Variants in FSIP2 observed in about 807,000 individuals in gnomAD.
FSIP2 encodes fibrous sheath-interacting protein 2.
FSIP2 carries 367 observed loss-of-function variants against 510.5 expected under a neutral mutation model. The ratio of observed to expected loss-of-function variants is 0.72; its 90% confidence interval spans 0.66 to 0.78. The LOEUF is 0.78. Among genes scored for constraint, FSIP2 ranks in the 30% least tolerant of loss-of-function variants. The probability of loss-of-function intolerance (pLI) is 0.00; values close to 1 mark genes in which losing one functional copy is unlikely to be tolerated. For missense variants in FSIP2, 7,594 were observed against 7,901.7 expected (o/e 0.96, Z 1.48); for synonymous variants, 2,601 against 2,732.2 (o/e 0.95, Z 1.50).
chr2:185,815,251 TTAAC>T, intron 18 of FSIP2, 116 bp from the exon 19 acceptor site: 1 of 603,258 alleles, frequency 1.7e-6, no homozygotes, highest in South Asian at 2.0e-5. Context: ...CACCCATCTT[TTAAC>T]TAATCTCTGG....
chr2:185,797,539 G>A lies in FSIP2; in HGVS notation c.10390+13G>A. On this transcript the variant is annotated intron_variant, in intron 16 of 22. Transcript: ENST00000424728. Reference sequence around the variant, plus strand: ...TTTGAAACTACAGGTAAGCAAGAGAGAACGTACCTAAAAATTTGCATGATT... The same window carrying A: ...TTTGAAACTACAGGTAAGCAAGAGAAAACGTACCTAAAAATTTGCATGATT... 6.8e-7 allele frequency: 1 copy of A among 1,480,274 alleles called. No individual in the cohort carries two copies. The highest frequency in any genetic ancestry group is 2.5e-5 in the East Asian group (1 of 40,286). 91.7% of individuals were successfully genotyped at this position (1,480,274 alleles called of 1,614,324 possible). A position where few individuals can be genotyped will look rare whatever the true frequency, so the allele number is the denominator to read the frequency against.
chr2:185,742,716 G>A lies in FSIP2; in HGVS notation c.226-417G>A, dbSNP rs368548521. Among the ~76,000 whole-genome samples, 8 of 152,208 alleles carry A rather than the reference G, an allele frequency of 5.3e-5. No homozygotes were observed. In the South Asian group the frequency reaches 1.0e-3, roughly 20 times the overall value. ...TATTTTTGTTCATTTTAAGATGATT[G>A]AAATATAATCATAATTACTATTAAT... On this transcript the variant is annotated intron_variant, in intron 2 of 22. Transcript: ENST00000424728.
In FSIP2 at chr2:185,747,410, A is replaced by G; in HGVS notation, c.857A>G (p.Glu286Gly). The G allele has an allele frequency of 2.0e-6, 3 of 1,513,368 alleles. No individual in the cohort carries two copies. Among genetic ancestry groups the G allele is most frequent in the Non-Finnish European group, 2.7e-6 (3 of 1,126,138 alleles). 93.7% of individuals were successfully genotyped at this position (1,513,368 alleles called of 1,614,324 possible). Residue 286 changes from glutamate (E) to glycine (G), a missense_variant, in exon 7 of 23, where the codon GAG becomes GGG. Transcript: ENST00000424728. Reference protein sequence around the residue: ...IEEQQHRNREESDRKKQDLLE... With the variant: ...IEEQQHRNREGSDRKKQDLLE... ...GAACAACAGCATAGAAACAGAGAAG[A>G]GAGTGACAGGAAGGTAGGGTGAGCT... is the stretch of plus-strand genomic sequence containing the variant.
Position 185,791,268 on chromosome 2 carries a change from C to T in FSIP2, c.4132C>T (p.Leu1378Phe). 1 of 1,534,090 alleles carries T rather than the reference C, an allele frequency of 6.5e-7. No homozygotes were observed. The highest frequency in any genetic ancestry group is 8.7e-7 in the Non-Finnish European group (1 of 1,145,522). The change falls in exon 16 of 23, where the codon CTC becomes TTC. Residue 1378 changes from leucine (L) to phenylalanine (F), a missense_variant. Leu to Phe is a conservative substitution (Grantham distance 22). Transcript: ENST00000424728. ...AAATGCACATCAAAGAAGCATTTCACTCTCTTCTCGTAAGCCAAAGTCTGC... is the reference window on the plus strand; with the variant it reads ...AAATGCACATCAAAGAAGCATTTCATTCTCTTCTCGTAAGCCAAAGTCTGC... ...SENAHQRSISLSSRKPKSATD... is the reference protein window; with the variant it reads ...SENAHQRSISFSSRKPKSATD...
In FSIP2 at chr2:185,793,148, A is replaced by G; in HGVS notation, c.6012A>G (p.Leu2004=). The change falls in exon 16 of 23, where the codon CTA becomes CTG. Residue 2004 remains leucine, a synonymous_variant. Transcript: ENST00000424728. ...TGTCTAAATTAAATACTTATGCACTACAAGTGGCTAGAAGAAATTTACAAG... is the reference window on the plus strand; with the variant it reads ...TGTCTAAATTAAATACTTATGCACTGCAAGTGGCTAGAAGAAATTTACAAG... The part of the protein sequence containing the change: ...LSLSKLNTYA[L]QVARRNLQGI... The G allele has an allele frequency of 6.5e-7, 1 of 1,534,334 alleles. No homozygotes were observed.
rs549920857 is a variant in FSIP2 at position 185,815,812 on chromosome 2, G to A, written c.20426+341G>A. On this transcript the variant is annotated intron_variant, in intron 19 of 22. Transcript: ENST00000424728. ...AAATATGCAGTATCAGTACAAAAGT[G>A]TTCATGCTTAGCTCTCTTAAGAAAG... Among the ~76,000 whole-genome samples the A allele has an allele frequency of 9.9e-5, 15 of 152,164 alleles. No individual in the cohort carries two copies. In the South Asian group the frequency reaches 3.1e-3, roughly 32 times the overall value.
At chr2:185,777,411 T>G (rs1227531710) in intron 13 of FSIP2, among the ~76,000 whole-genome samples, 2 of 90,348 alleles carry the variant, frequency 2.2e-5, no homozygotes, top group Non-Finnish European at 4.9e-5. Context: ...TTTTTTTTTT[T>G]GCACTCTTCC....
intron 19 of FSIP2, among the ~76,000 whole-genome samples, chr2:185,819,361 A>G (rs574866395): frequency 8.6e-5 from 13 of 151,956 alleles, no homozygotes; most frequent in Non-Finnish European, 1.9e-4. Context: ...TACTTAAAGT[A>G]TAAATGGGTT....
intron 13 of FSIP2, among the ~76,000 whole-genome samples, chr2:185,777,139 CA>C (rs1426275433): frequency 3.9e-5 from 6 of 152,194 alleles, no homozygotes; most frequent in African/African-American, 1.2e-4. Context: ...CATGGCTATA[CA>C]TTTTCCGTCA....
At chr2:185,737,295 C>CCG, upstream of FSIP2, among the ~76,000 whole-genome samples, 1 of 152,254 alleles carries the variant, frequency 6.6e-6, no homozygotes, top group Middle Eastern at 3.4e-3. Context: ...GATACAGAGA[C>CCG]CAAGTAACAG....
At position 185,797,090 on chromosome 2, in the gene FSIP2, G is replaced by C; in HGVS notation, c.9954G>C (p.Gln3318His). Residue 3318 changes from glutamine (Q) to histidine (H), a missense_variant, in exon 16 of 23, where the codon CAG becomes CAC. Transcript: ENST00000424728. The stretch of plus-strand genomic sequence containing the variant: ...CAGTTGTTGAACCAAACCAAATTCA[G>C]ACAACCATTTCCCCTCTCAAAATAT... ...LKPVVEPNQI[Q>H]TTISPLKICL... The C allele has an allele frequency of 6.5e-7, 1 of 1,535,140 alleles. No homozygotes were observed. Among genetic ancestry groups the C allele is most frequent in the Non-Finnish European group, 8.7e-7 (1 of 1,146,278 alleles).
At position 185,806,385 on chromosome 2, in the gene FSIP2, T is replaced by C. The variant is rs1322185016; in HGVS notation, c.17079T>C (p.Ser5693=). ...NIFEDVLELS[S]SPEPAYYSKL... ...TTGAAGATGTTTTAGAACTATCTTC[T>C]TCTCCAGAACCAGCATATTATTCGA... The change falls in exon 17 of 23, where the codon TCT becomes TCC. Residue 5693 remains serine (S), a synonymous_variant. Coordinates refer to ENST00000424728, the MANE Select transcript of FSIP2 (RefSeq NM_173651.4). 7 of 1,611,864 alleles carry C rather than the reference T, an allele frequency of 4.3e-6. No individual in the cohort carries two copies. Among genetic ancestry groups the C allele is most frequent in the Admixed American group, 1.7e-5 (1 of 59,762 alleles).
At chr2:185,760,127 T>TAA (rs1443639854) in intron 9 of FSIP2, among the ~76,000 whole-genome samples, 1 of 150,756 alleles carries the variant, frequency 6.6e-6, no homozygotes, top group Non-Finnish European at 1.5e-5. Context: ...TTTGTGGCTT[T>TAA]ATTTGTTTTT....
At position 185,807,534 on chromosome 2, in the gene FSIP2, T is replaced by G; in HGVS notation, c.18228T>G (p.Asp6076Glu). 1 of 1,611,270 alleles carries G rather than the reference T, an allele frequency of 6.2e-7. No homozygotes were observed. Among genetic ancestry groups the G allele is most frequent in the Non-Finnish European group, 8.5e-7 (1 of 1,178,406 alleles). ...AGTATGTAGAAACCTTACAATCTGA[T>G]GATGATGAAATTATTCAATTAGTGG... ...TIQYVETLQS[D>E]DDEIIQLVVQ... The change falls in exon 17 of 23, where the codon GAT (aspartate) becomes GAG (glutamate). Residue 6076 changes from aspartate to glutamate, a missense_variant. Transcript: ENST00000424728.
intron 14 of FSIP2, among the ~76,000 whole-genome samples, 173 bp downstream of exon 14, chr2:185,782,935 G>T (rs1027330165): frequency 6.6e-6 from 1 of 152,136 alleles, no homozygotes; most frequent in Non-Finnish European, 1.5e-5. Flanking sequence ...TAGACAAAGT[G>T]AATCATTGTC....
At chr2:185,748,728 CGTG>C (rs1353479510) in intron 7 of FSIP2, among the ~76,000 whole-genome samples, 1 of 152,004 alleles carries the variant, frequency 6.6e-6, no homozygotes, top group Non-Finnish European at 1.5e-5. Context: ...GCCCATTAGA[CGTG>C]GTCACTGACT....
In FSIP2 at chr2:185,794,459, A is replaced by G. The variant is rs1178412755; in HGVS notation, c.7323A>G (p.Gln2441=). 2 of 1,509,886 alleles carry G rather than the reference A, an allele frequency of 1.3e-6. No homozygotes were observed. The highest frequency in any genetic ancestry group is 2.2e-5 in the Admixed American group (1 of 45,622). The allele number at this position is 1,509,886 out of a possible 1,614,324, so 93.5% of individuals were successfully genotyped here. Residue 2441 remains glutamine (Q), a synonymous_variant, in exon 16 of 23, where the codon CAA becomes CAG. Transcript: ENST00000424728. ...AAGAGAAGGAAAGAAGTACCAAACAATCTCTATTTACAAAGTATCCATTAG... is the reference window on the plus strand; with the variant it reads ...AAGAGAAGGAAAGAAGTACCAAACAGTCTCTATTTACAAAGTATCCATTAG... ...GHKEKERSTK[Q]SLFTKYPLEQ...
intron 18 of FSIP2, 22 bp downstream of exon 18, chr2:185,814,064 T>C (rs776795821): frequency 1.3e-6 from 2 of 1,586,502 alleles, no homozygotes; most frequent in Non-Finnish European, 1.7e-6. Context: ...GCATGACTGT[T>C]AGTGACTAGA....
chr2:185,747,646 C>T (rs1692060212), intron 7 of FSIP2, among the ~76,000 whole-genome samples: 1 of 151,928 alleles, frequency 6.6e-6, no homozygotes, highest in Admixed American at 6.6e-5. Context: ...ATTTTTACAC[C>T]ATAAACCATA....
Sources: gnomAD v4.1 joint callset for allele counts (sites outside exome capture counted in the v4.1 genomes callset) on GRCh38, gnomAD v4.1.1 for gene constraint, MANE v1.5 for transcripts, NCBI Gene and HGNC (gene_info 2026-07-23, HGNC 2026-07-21) for gene names.